The following RARB variants were observed in gnomAD, a reference collection of about 807,000 sequenced individuals.
RARB encodes retinoic acid receptor beta.
RARB carries 17 observed loss-of-function variants against 51.9 expected under a neutral mutation model. That is an observed-to-expected ratio of 0.33 (90% CI 0.22 to 0.49). The LOEUF is 0.49. Ranked by LOEUF, RARB falls within the 20% of genes least tolerant of loss-of-function variation. The probability of loss-of-function intolerance (pLI) is 0.99; values close to 1 mark genes in which losing one functional copy is unlikely to be tolerated. For synonymous variants in RARB, 215 were observed against 195.4 expected, an observed-to-expected ratio of 1.10 and a Z score of -0.84; for missense variants, 369 against 550.8, an observed-to-expected ratio of 0.67 and a Z score of 3.30.
At chr3:25,177,616 G>A (rs34051998) in intron 5 of RARB, among the ~76,000 whole-genome samples, 1,626 of 152,296 alleles carry the variant, frequency 0.011, 11 homozygotes, top group Middle Eastern at 0.024. Context: ...TACCTCAAAA[G>A]CAAGTAAGAA....
intron 4 of RARB, among the ~76,000 whole-genome samples, chr3:25,576,083 C>T (rs1413786479): frequency 6.8e-6 from 1 of 147,862 alleles, no homozygotes; most frequent in Non-Finnish European, 1.5e-5. Context: ...AAGACGTTCC[C>T]AGCAAAAGCA....
chr3:25,345,173 C>T (rs1705351572), intron 5 of RARB, among the ~76,000 whole-genome samples: 1 of 152,282 alleles, frequency 6.6e-6, no homozygotes, highest in East Asian at 1.9e-4. Context: ...AACCCAAACT[C>T]ACAAAAGCTG....
intron 5 of RARB, among the ~76,000 whole-genome samples, chr3:25,380,209 A>C (rs1457266437): frequency 6.6e-6 from 1 of 152,172 alleles, no homozygotes; most frequent in African/African-American, 2.4e-5. Context: ...GGAACAACCA[A>C]CTCCTAAGGA....
At chr3:24,906,760 G>T (rs373087820) in intron 2 of RARB, among the ~76,000 whole-genome samples, 1 of 147,382 alleles carries the variant, frequency 6.8e-6, no homozygotes, top group African/African-American at 2.5e-5. Flanking sequence ...AAGGGAAATC[G>T]CTTGAACCTG....
chr3:24,856,373 C>T (rs1179070305), intron 1 of RARB, among the ~76,000 whole-genome samples: 2 of 152,130 alleles, frequency 1.3e-5, no homozygotes, highest in Non-Finnish European at 2.9e-5. Context: ...AGAAACATGT[C>T]CTGACCCACT....
intron 5 of RARB, among the ~76,000 whole-genome samples, chr3:25,316,318 A>T (rs965344599): frequency 6.6e-6 from 1 of 152,172 alleles, no homozygotes; most frequent in African/African-American, 2.4e-5. Flanking sequence ...GAAAGCCTTA[A>T]TTATGGGTGA....
At chr3:25,199,788 T>C (rs1701344145) in intron 5 of RARB, among the ~76,000 whole-genome samples, 1 of 152,228 alleles carries the variant, frequency 6.6e-6, no homozygotes, top group Admixed American at 6.5e-5. Context: ...TCCTTTTTTA[T>C]GGCTGCATAG....
intron 2 of RARB, among the ~76,000 whole-genome samples, chr3:24,970,556 A>G (rs1350272578): frequency 7.5e-6 from 1 of 133,802 alleles, no homozygotes; most frequent in Non-Finnish European, 1.6e-5. Context: ...AATTAAATAA[A>G]TTCCACCAAG....
chr3:25,001,760 T>C (rs1697165304), intron 2 of RARB, among the ~76,000 whole-genome samples: 1 of 152,208 alleles, frequency 6.6e-6, no homozygotes. Flanking sequence ...TTTTTACTTA[T>C]CTCAAGTTTC....
intron 3 of RARB, among the ~76,000 whole-genome samples, chr3:25,124,847 C>A (rs1559475124): frequency 6.6e-6 from 1 of 152,278 alleles, no homozygotes; most frequent in Admixed American, 6.5e-5. Flanking sequence ...CATTGGTCAC[C>A]TATTTCTATG....
At chr3:25,310,216 T>A (rs765203909) in intron 5 of RARB, among the ~76,000 whole-genome samples, 1 of 152,178 alleles carries the variant, frequency 6.6e-6, no homozygotes, top group Admixed American at 6.5e-5. Flanking sequence ...CTGGGTCTCA[T>A]AGTAAGGTGA....
intron 3 of RARB, among the ~76,000 whole-genome samples, chr3:25,565,032 C>T (rs758319594): frequency 1.3e-5 from 2 of 152,156 alleles, no homozygotes; most frequent in South Asian, 2.1e-4. Flanking sequence ...AATTCCCCAG[C>T]GTTAGCTTCC....
intron 5 of RARB, among the ~76,000 whole-genome samples, chr3:25,344,817 A>T (rs1206662368): frequency 6.6e-6 from 1 of 152,192 alleles, no homozygotes; most frequent in Non-Finnish European, 1.5e-5. Flanking sequence ...ATCAAATCCT[A>T]ATCCCAGCAT....
intron 2 of RARB, among the ~76,000 whole-genome samples, chr3:24,994,308 G>C (rs1425475137): frequency 2.2e-5 from 1 of 45,198 alleles, no homozygotes; most frequent in Non-Finnish European, 3.7e-5. Context: ...TGACTTATTT[G>C]AGAAATGTTC....
chr3:25,356,756 T>C (rs1002451063), intron 5 of RARB, among the ~76,000 whole-genome samples: 4 of 152,076 alleles, frequency 2.6e-5, no homozygotes, highest in African/African-American at 4.8e-5. Context: ...TGAGTGAGAA[T>C]ATGCGGTGTT....
chr3:25,155,675 T>C (rs552916324), intron 4 of RARB, among the ~76,000 whole-genome samples: 78 of 152,342 alleles, frequency 5.1e-4, no homozygotes, highest in Admixed American at 1.3e-3. Context: ...TTATGATCTC[T>C]CAGCTACAAT....
chr3:25,472,012 G>A (rs1344605799), intron 2 of RARB, among the ~76,000 whole-genome samples: 3 of 152,052 alleles, frequency 2.0e-5, no homozygotes, highest in East Asian at 3.9e-4. Flanking sequence ...CTCCCCACCC[G>A]CGTACCTATG....
At chr3:25,044,484 T>TA (rs1429007697) in intron 2 of RARB, among the ~76,000 whole-genome samples, 13 of 151,942 alleles carry the variant, frequency 8.6e-5, no homozygotes, top group African/African-American at 2.9e-4. Context: ...TATTTAGGGC[T>TA]AAAAAAAACA....
At chr3:25,373,412 G>A (rs908367942) in intron 5 of RARB, among the ~76,000 whole-genome samples, 1 of 152,270 alleles carries the variant, frequency 6.6e-6, no homozygotes, top group East Asian at 1.9e-4. Flanking sequence ...CAGAAAAGCA[G>A]TGAGGAACAT....
Sources: gnomAD v4.1 joint callset for allele counts (sites outside exome capture counted in the v4.1 genomes callset) on GRCh38, gnomAD v4.1.1 for gene constraint, MANE v1.5 for transcripts, NCBI Gene and HGNC (gene_info 2026-07-23, HGNC 2026-07-21) for gene names.